The following GNB4 variants were observed in gnomAD, a reference collection of about 807,000 sequenced individuals.
The protein encoded by GNB4 is guanine nucleotide-binding protein subunit beta-4.
Under a neutral mutation model 45.2 loss-of-function variants are expected in GNB4, and 28 were observed. The ratio of observed to expected loss-of-function variants is 0.62; its 90% confidence interval spans 0.46 to 0.85. The LOEUF is 0.85. Ranked by LOEUF, GNB4 falls within the 40% of genes least tolerant of loss-of-function variation. The pLI is 0.00. For synonymous variants in GNB4, 132 were observed against 143.7 expected (o/e 0.92, Z 0.58); for missense variants, 321 against 425.4 (o/e 0.75, Z 2.16).
At chr3:179,465,463 G>T in the GNB4 span, 1 of 340,322 alleles carries the variant, frequency 2.9e-6, no homozygotes, top group Non-Finnish European at 5.5e-6. Flanking sequence ...AAAAAAATTA[G>T]CCGGGCGTGG....
chr3:179,419,548 G>A (rs373957273), intron 3 of GNB4, 43 bp from the exon 4 acceptor site: 6 of 1,171,982 alleles, frequency 5.1e-6, no homozygotes, highest in African/African-American at 1.5e-5. Context: ...CTTAATCATA[G>A]TTCATGAGAT....
intron 4 of GNB4, among the ~76,000 whole-genome samples, chr3:179,418,006 T>C: frequency 6.6e-6 from 1 of 152,200 alleles, no homozygotes; most frequent in East Asian, 1.9e-4. Flanking sequence ...CTATGTGAGA[T>C]AGGTTCCTGG....
At chr3:179,477,910 C>T in the GNB4 span, among the ~76,000 whole-genome samples, 3 of 152,104 alleles carry the variant, frequency 2.0e-5, no homozygotes, top group Non-Finnish European at 2.9e-5. Context: ...TTTGTTTTAG[C>T]AACAGTCCCA....
In GNB4 at chr3:179,400,452, G is replaced by A. The variant is rs561690732; in HGVS notation, c.*761C>T. 1 of 152,336 alleles carries A rather than the reference G, an allele frequency of 6.6e-6. No homozygotes were observed. Among genetic ancestry groups the A allele is most frequent in the African/African-American group, 2.4e-5 (1 of 41,584 alleles). 9.4% of individuals were successfully genotyped at this position (152,336 alleles called of 1,614,324 possible). A position where few individuals can be genotyped will look rare whatever the true frequency, so the allele number is the denominator to read the frequency against. On this transcript the variant is annotated 3_prime_UTR_variant, in exon 10 of 10. Coordinates refer to ENST00000232564, the MANE Select transcript of GNB4 (RefSeq NM_021629.4). ...AGCTATTTAGGGGGGTACTCAAAGTGTCAACTGATCATAACCAGGCTTTTA... is the reference window on the plus strand; with the variant it reads ...AGCTATTTAGGGGGGTACTCAAAGTATCAACTGATCATAACCAGGCTTTTA...
chr3:179,459,081 T>G, the GNB4 span, among the ~76,000 whole-genome samples: 1 of 152,174 alleles, frequency 6.6e-6, no homozygotes, highest in African/African-American at 2.4e-5. Context: ...AAGGGGAGAT[T>G]TAGGCTCAGA....
chr3:179,431,931 C>T (rs769908436), intron 1 of GNB4, among the ~76,000 whole-genome samples: 6 of 152,118 alleles, frequency 3.9e-5, no homozygotes, highest in African/African-American at 7.2e-5. Context: ...GGGTCTTTTC[C>T]ACCAGCAGCT....
chr3:179,517,974 C>A, the GNB4 span, among the ~76,000 whole-genome samples: 1 of 151,954 alleles, frequency 6.6e-6, no homozygotes, highest in Non-Finnish European at 1.5e-5. Flanking sequence ...CCCTCTGACC[C>A]CTTCTCTCCG....
At chr3:179,511,678 T>C in the GNB4 span, among the ~76,000 whole-genome samples, 1 of 152,224 alleles carries the variant, frequency 6.6e-6, no homozygotes, top group African/African-American at 2.4e-5. Context: ...TTAAATGATG[T>C]TAATAAGCAC....
chr3:179,430,620 ATTTTTTTT>A (rs34316813), intron 1 of GNB4, among the ~76,000 whole-genome samples: 1 of 135,790 alleles, frequency 7.4e-6, no homozygotes, highest in Non-Finnish European at 1.6e-5. Context: ...TGCCTGGCTA[ATTTTTTTT>A]TTTTTTTTTT....
intron 8 of GNB4, chr3:179,410,370 A>G (rs1210760188): frequency 1.3e-5 from 2 of 152,236 alleles, no homozygotes; most frequent in Admixed American, 1.3e-4. Context: ...ATAGATAGAT[A>G]GATATGTTCA....
chr3:179,474,252 T>C, the GNB4 span, among the ~76,000 whole-genome samples: 1 of 151,860 alleles, frequency 6.6e-6, no homozygotes. Context: ...TTAGTTGGAG[T>C]CTTGCTCTGT....
At chr3:179,442,456 G>A (rs556162886) in intron 1 of GNB4, among the ~76,000 whole-genome samples, 67 of 152,186 alleles carry the variant, frequency 4.4e-4, no homozygotes, top group Non-Finnish European at 6.6e-4. Context: ...AGTACTCTAA[G>A]ATTTTGTGAA....
chr3:179,415,021 G>C lies in GNB4; in HGVS notation c.294C>G (p.Ser98=). The C allele has an allele frequency of 6.2e-7, 1 of 1,606,362 alleles. No homozygotes were observed. Among genetic ancestry groups the C allele is most frequent in the Non-Finnish European group, 8.5e-7 (1 of 1,174,874 alleles). ...GAGCATAAGCACAGGTCATCACCCA[G>C]GAGGACCTCAAAGGAATAGCATGCA... ...NKMHAIPLRS[S]WVMTCAYAPS... is the part of the protein sequence containing the mutation. The change falls in exon 6 of 10, where the codon TCC becomes TCG. Residue 98 remains serine, a synonymous_variant. Coordinates refer to ENST00000232564, the MANE Select transcript of GNB4 (RefSeq NM_021629.4).
Position 179,403,800 on chromosome 3 carries a change from A to AAAAATAAAAT in GNB4, c.916+1380_916+1389dup, listed in dbSNP as rs3976513. Among the ~76,000 whole-genome samples the AAAAATAAAAT allele has an allele frequency of 4.4e-4, 65 of 148,668 alleles. 1 individual carries two copies. The highest frequency in any genetic ancestry group is 1.1e-3 in the African/African-American group (45 of 40,282). ...GCAACAGAGCAAGACTCCGTCTCAA[A>AAAAATAAAAT]AAAATAAAATAAAATAAAATAAAGT... is the stretch of plus-strand genomic sequence containing the variant. On this transcript the variant is annotated intron_variant, in intron 9 of 9. Coordinates refer to ENST00000232564, the MANE Select transcript of GNB4 (RefSeq NM_021629.4).
chr3:179,512,430 CT>C, the GNB4 span, among the ~76,000 whole-genome samples: 2 of 152,162 alleles, frequency 1.3e-5, no homozygotes, highest in African/African-American at 4.8e-5. Flanking sequence ...TAGAGAACAA[CT>C]TTTCCATATG....
At position 179,398,379 on chromosome 3, in the gene GNB4, G is replaced by T. The variant is rs1714184502; in HGVS notation, c.*2834C>A. On this transcript the variant is annotated 3_prime_UTR_variant, in exon 10 of 10. Transcript: ENST00000232564. ...AAAATACAAAAATTAGCCGGGCATG[G>T]TGGCACATGCCTATAGTCCCAGCTA... The T allele has an allele frequency of 1.3e-5, 2 of 152,012 alleles. No homozygotes were observed. The highest frequency in any genetic ancestry group is 2.1e-4 in the South Asian group (1 of 4,810). The allele number at this position is 152,012 out of a possible 1,614,324, so 9.4% of individuals were successfully genotyped here. A position where few individuals can be genotyped will look rare whatever the true frequency, so the allele number is the denominator to read the frequency against.
chr3:179,412,946 G>A lies in GNB4; in HGVS notation c.699+466C>T, dbSNP rs1206307505. On this transcript the variant is annotated intron_variant, in intron 8 of 9. Coordinates refer to ENST00000232564, the MANE Select transcript of GNB4 (RefSeq NM_021629.4). The stretch of plus-strand genomic sequence containing the variant: ...TGTAATCCCAACACTTTGGGAGGCC[G>A]AGGCAGGAAGATTGCTTCAGCTCAG... 2.0e-5 allele frequency among the ~76,000 whole-genome samples: 3 copies of A among 152,172 alleles called. No individual in the cohort carries two copies. In the East Asian group the frequency reaches 5.8e-4, roughly 29 times the overall value.
the GNB4 span, among the ~76,000 whole-genome samples, chr3:179,463,551 C>T: frequency 6.6e-6 from 1 of 152,202 alleles, no homozygotes; most frequent in Admixed American, 6.5e-5. Context: ...ATTCACCCCA[C>T]AGATGAAGAA....
chr3:179,409,252 T>C (rs7651451), intron 8 of GNB4, among the ~76,000 whole-genome samples: 58,461 of 151,740 alleles, frequency 0.39, 11,649 homozygotes, highest in Admixed American at 0.48. Flanking sequence ...GGCTCATGCC[T>C]GTAATCCCAG....
Sources: allele counts gnomAD v4.1 joint callset (sites outside exome capture counted in the v4.1 genomes callset), GRCh38; gene constraint gnomAD v4.1.1; transcripts MANE v1.5; gene names NCBI Gene and HGNC (gene_info 2026-07-23, HGNC 2026-07-21).